Variants in DOCK1 observed in about 807,000 individuals in gnomAD.
DOCK1 encodes the protein dedicator of cytokinesis protein 1.
A neutral mutation model predicts 262.7 loss-of-function variants in DOCK1; 138 were observed. The observed-to-expected ratio is 0.53, with a 90% CI of 0.46 to 0.61. The LOEUF (loss-of-function observed/expected upper bound fraction) is 0.61. DOCK1 is among the 20% of genes least tolerant of loss of function. The pLI, the probability that DOCK1 is intolerant of heterozygous loss-of-function variation, is 0.00. For synonymous variants in DOCK1, 866 were observed against 867.4 expected, an observed-to-expected ratio of 1.00 and a Z score of 0.03; for missense variants, 1,908 against 2,370.7, an observed-to-expected ratio of 0.80 and a Z score of 4.05.
chr10:127,080,185 A>G (rs2136002771), intron 23 of DOCK1, among the ~76,000 whole-genome samples: 1 of 152,252 alleles, frequency 6.6e-6, no homozygotes. Flanking sequence ...CAGGTACCAC[A>G]GTATGTATGA....
In DOCK1 at chr10:126,968,328, G is replaced by C. The variant is rs78190883; in HGVS notation, c.47-2374G>C. On this transcript the variant is annotated intron_variant, in intron 1 of 51. Transcript: ENST00000623213. ...ATCATTAGTCCTAAAATGAACAAAG[G>C]GCTAGGGGCTGGGCATCTGGGGTTG... Among the ~76,000 whole-genome samples, 1,243 of 152,136 alleles carry C rather than the reference G, an allele frequency of 8.2e-3. 15 individuals carry two copies. Among genetic ancestry groups the C allele is most frequent in the African/African-American group, 0.027 (1,120 of 41,504 alleles).
intron 27 of DOCK1, among the ~76,000 whole-genome samples, chr10:127,143,081 C>CT (rs2051427492): frequency 6.6e-6 from 1 of 152,206 alleles, no homozygotes; most frequent in Non-Finnish European, 1.5e-5. Flanking sequence ...AGCTTATTCT[C>CT]TGTTTGTCTC....
chr10:127,398,404 A>C (rs144921385), intron 38 of DOCK1, among the ~76,000 whole-genome samples: 19 of 152,208 alleles, frequency 1.2e-4, no homozygotes, highest in African/African-American at 4.6e-4. Context: ...CGCCAGCCCC[A>C]CACCTGGAAG....
intron 33 of DOCK1, among the ~76,000 whole-genome samples, chr10:127,364,471 ATTCTCCT>A (rs2064784255): frequency 3.9e-5 from 6 of 152,216 alleles, no homozygotes; most frequent in Non-Finnish European, 7.4e-5. Context: ...GGTTCAAGTG[ATTCTCCT>A]GCCTCAGCCT....
intron 29 of DOCK1, among the ~76,000 whole-genome samples, chr10:127,308,885 C>T (rs955245503): frequency 2.0e-5 from 3 of 152,016 alleles, no homozygotes; most frequent in Admixed American, 1.3e-4. Context: ...TAAATAGTGT[C>T]GCAATAAACA....
At chr10:127,125,693 T>C in intron 26 of DOCK1, 92 bp downstream of exon 26, 1 of 1,510,312 alleles carries the variant, frequency 6.6e-7, no homozygotes, top group Non-Finnish European at 8.8e-7. Flanking sequence ...AAATGAAAGG[T>C]CTTGATTTTA....
intron 51 of DOCK1, among the ~76,000 whole-genome samples, chr10:127,448,846 T>TCAC (rs2070769313): frequency 1.4e-5 from 2 of 145,146 alleles, no homozygotes; most frequent in Non-Finnish European, 3.1e-5. Flanking sequence ...AAATCCCACG[T>TCAC]GCCATTTCTT....
chr10:127,389,082 T>G (rs1179483638), intron 38 of DOCK1, among the ~76,000 whole-genome samples: 1 of 152,152 alleles, frequency 6.6e-6, no homozygotes, highest in Non-Finnish European at 1.5e-5. Flanking sequence ...CTTCTTCCGT[T>G]AAAGAGGGGG....
At chr10:126,958,502 C>G (rs2036928013) in intron 1 of DOCK1, among the ~76,000 whole-genome samples, 1 of 152,176 alleles carries the variant, frequency 6.6e-6, no homozygotes, top group African/African-American at 2.4e-5. Flanking sequence ...ATTCCCACAT[C>G]TGTACAGAAG....
chr10:127,074,902 C>G (rs991595368), intron 23 of DOCK1, among the ~76,000 whole-genome samples: 1 of 152,052 alleles, frequency 6.6e-6, no homozygotes, highest in South Asian at 2.1e-4. Flanking sequence ...TGGCTCACAC[C>G]TGTAGTCCCA....
chr10:127,225,715 T>C (rs1219038226), intron 27 of DOCK1, among the ~76,000 whole-genome samples: 1 of 152,138 alleles, frequency 6.6e-6, no homozygotes, highest in African/African-American at 2.4e-5. Flanking sequence ...TTTTACTCTG[T>C]AATGGGCAGG....
At chr10:127,000,451 A>T (rs1330778163) in intron 10 of DOCK1, 144 bp downstream of exon 10, 6 of 1,245,658 alleles carry the variant, frequency 4.8e-6, no homozygotes, top group Non-Finnish European at 4.3e-6. Flanking sequence ...TTTATTAGTT[A>T]TTTTCATTGT....
In DOCK1 at chr10:127,339,732, T is replaced by TGTGTGTGTGTGTGTGTGTGC. The variant is rs1243468884; in HGVS notation, c.3123+651_3123+652insTGTGTGTGTGTGTGTGCGTG. Among the ~76,000 whole-genome samples the TGTGTGTGTGTGTGTGTGTGC allele has an allele frequency of 1.3e-3, 54 of 40,428 alleles. 1 individual carries two copies. The highest frequency in any genetic ancestry group is 3.4e-3 in the Non-Finnish European group (47 of 13,794). The allele number at this position is 40,428 out of a possible 152,430, so 26.5% of individuals were successfully genotyped here. A position where few individuals can be genotyped will look rare whatever the true frequency, so the allele number is the denominator to read the frequency against. ...GTGTGTGTGTGTGTGTGTGTGTGTGTGTGCATGCTGTAAGGATTGATTTTG... is the reference window on the plus strand; with the variant it reads ...GTGTGTGTGTGTGTGTGTGTGTGTGTGTGTGTGTGTGTGTGTGTGCGTGCATGCTGTAAGGATTGATTTTG... On this transcript the variant is annotated intron_variant, in intron 30 of 51. Coordinates refer to ENST00000623213, the MANE Select transcript of DOCK1 (RefSeq NM_001290223.2).
At chr10:126,942,520 C>T (rs1053404484) in intron 1 of DOCK1, among the ~76,000 whole-genome samples, 4 of 152,156 alleles carry the variant, frequency 2.6e-5, no homozygotes, top group South Asian at 2.1e-4. Flanking sequence ...GACCTACAAG[C>T]GTTAGAATGC....
Position 127,176,280 on chromosome 10 carries a change from T to C in DOCK1, c.2847+48516T>C, listed in dbSNP as rs1265439643. The C allele has an allele frequency of 6.2e-7, 1 of 1,614,140 alleles. No homozygotes were observed. The highest frequency in any genetic ancestry group is 8.5e-7 in the Non-Finnish European group (1 of 1,180,032). On this transcript the variant is annotated intron_variant, in intron 27 of 51. Transcript: ENST00000623213. This position sits in a 1 kb window ranked among gnomAD's most constrained non-coding sequence, Gnocchi z 4.4. ...CACCTGCAGGGCTTTGTTCCGTTTT[T>C]TAATCTGCCGGTTGGGGTCCAGGGC...
At chr10:127,276,645 A>ATT (rs1564958427) in intron 29 of DOCK1, among the ~76,000 whole-genome samples, 1 of 151,890 alleles carries the variant, frequency 6.6e-6, no homozygotes, top group Non-Finnish European at 1.5e-5. Context: ...TCTTTTTTCC[A>ATT]TTTTGTTTAG....
At chr10:127,289,517 AT>A (rs1173358139) in intron 29 of DOCK1, among the ~76,000 whole-genome samples, 5 of 152,150 alleles carry the variant, frequency 3.3e-5, no homozygotes, top group Non-Finnish European at 5.9e-5. Flanking sequence ...GCATATGACA[AT>A]TTTGGTAAAT....
At chr10:127,433,185 C>A (rs2069418680) in intron 47 of DOCK1, 98 bp from the exon 48 acceptor site, 11 of 1,506,886 alleles carry the variant, frequency 7.3e-6, no homozygotes, top group South Asian at 1.3e-5. Context: ...CGATGATGGT[C>A]TCGATTCCAC....
intron 27 of DOCK1, among the ~76,000 whole-genome samples, chr10:127,245,912 G>T (rs1696675355): frequency 6.6e-6 from 1 of 152,154 alleles, no homozygotes; most frequent in South Asian, 2.1e-4. Context: ...GGTTTGACCT[G>T]CAGAAAATTG....
Sources: allele counts gnomAD v4.1 joint callset (sites outside exome capture counted in the v4.1 genomes callset), GRCh38; gene constraint gnomAD v4.1.1; non-coding constraint Gnocchi (gnomAD v3.1); transcripts MANE v1.5; gene names NCBI Gene and HGNC (gene_info 2026-07-23, HGNC 2026-07-21).